NDUFB1: variants seen among roughly 807,000 people sequenced by gnomAD.
NDUFB1 encodes NADH:ubiquinone oxidoreductase subunit B1.
A neutral mutation model predicts 6.7 loss-of-function variants in NDUFB1; 6 were observed. That is an observed-to-expected ratio of 0.89 (90% CI 0.49 to 1.76). The LOEUF (loss-of-function observed/expected upper bound fraction) is 1.76. NDUFB1 is among the 40% of genes most tolerant of loss of function. NDUFB1 has a pLI of 0.01. For missense variants in NDUFB1, 56 were observed against 71.0 expected (o/e 0.79, Z 0.76); for synonymous variants, 17 against 22.9 (o/e 0.74, Z 0.74).
intron 2 of NDUFB1, 86 bp downstream of exon 2, chr14:92,117,412 T>G (rs755569802): frequency 7.2e-7 from 1 of 1,389,056 alleles, no homozygotes; most frequent in East Asian, 2.3e-5. Context: ...GGGGAAAAAT[T>G]ACCCCTTCTG....
chr14:92,117,132 A>G (rs1032123544), intron 2 of NDUFB1, among the ~76,000 whole-genome samples: 2 of 152,212 alleles, frequency 1.3e-5, no homozygotes, highest in Admixed American at 6.5e-5. Flanking sequence ...TGTTATTACT[A>G]TTTATCTCAG....
At chr14:92,120,213 T>C (rs1051026356) in intron 1 of NDUFB1, 1 of 152,184 alleles carries the variant, frequency 6.6e-6, no homozygotes, top group Non-Finnish European at 1.5e-5. Flanking sequence ...AGAAGACATA[T>C]GACAACATCC....
chr14:92,119,304 G>A, intron 1 of NDUFB1, among the ~76,000 whole-genome samples: 1 of 121,982 alleles, frequency 8.2e-6, no homozygotes, highest in South Asian at 3.0e-4. Flanking sequence ...AGAGCGTGAT[G>A]CTGTCTCAAA....
chr14:92,121,702 C>A lies in NDUFB1; in HGVS notation c.-66G>T, dbSNP rs768770418. ...AGGGCAACAGGGAACTCAACCCGCG[C>A]CAGTGGAAGCTGCGACCTCGGGACC... is the stretch of plus-strand genomic sequence containing the variant. On this transcript the variant is annotated 5_prime_UTR_variant, in exon 1 of 3. Transcript: ENST00000605997. 1.2e-6 allele frequency: 2 copies of A among 1,613,858 alleles called. No individual in the cohort carries two copies. Among genetic ancestry groups the A allele is most frequent in the Admixed American group, 1.7e-5 (1 of 60,016 alleles).
intron 1 of NDUFB1, chr14:92,121,343 G>GGATCCGGGCCGGTCTTC (rs2068761175): frequency 2.0e-6 from 1 of 497,978 alleles, no homozygotes; most frequent in Non-Finnish European, 3.6e-6. Context: ...GCCAGGCGTG[G>GGATCCGGGCCGGTCTTC]GATCCGGGCC....
At chr14:92,121,362 C>T in intron 1 of NDUFB1, 2 of 546,108 alleles carry the variant, frequency 3.7e-6, no homozygotes, top group East Asian at 3.3e-5. Flanking sequence ...CCGGTCTTCT[C>T]TCCAGTCCGG....
At chr14:92,121,381 C>T in intron 1 of NDUFB1, 1 of 571,220 alleles carries the variant, frequency 1.8e-6, no homozygotes, top group Non-Finnish European at 3.1e-6. Flanking sequence ...GGTTAGCGGG[C>T]GGTCACTGGG....
chr14:92,116,336 T>A, intron 2 of NDUFB1, 107 bp from the exon 3 acceptor site: 1 of 843,446 alleles, frequency 1.2e-6, no homozygotes. Context: ...ATTTTCTTTT[T>A]TTTTTTTTTT....
chr14:92,117,447 G>T lies in NDUFB1; in HGVS notation c.140+51C>A, dbSNP rs149732435. ...GTTTATTTTTGGCACATATCAAAAA[G>T]AATATTCCCCAAATTTGGCCAATTG... On this transcript the variant is annotated intron_variant, in intron 2 of 2. Coordinates refer to ENST00000605997, the MANE Select transcript of NDUFB1 (RefSeq NM_004545.4). 8.1e-3 allele frequency: 12,906 copies of T among 1,599,266 alleles called. 86 individuals carry two copies. The highest frequency in any genetic ancestry group is 0.011 in the South Asian group (968 of 90,708).
At chr14:92,121,538 C>T (rs957206218) in intron 1 of NDUFB1, 104 bp downstream of exon 1, 9 of 1,532,884 alleles carry the variant, frequency 5.9e-6, no homozygotes, top group African/African-American at 1.4e-5. Context: ...GAAGCCCAGA[C>T]CACCCCTCCA....
rs2068762637 is a variant in NDUFB1, at chr14:92,121,466, C to T, written c.-6+176G>A. ...TCCAAAAGCTCCGGCCCGGAAATCC[C>T]ATCCTCCACCCGAAGAAAACCCCAT... is the stretch of plus-strand genomic sequence containing the variant. On this transcript the variant is annotated intron_variant, in intron 1 of 2. Transcript: ENST00000605997. 1.3e-5 allele frequency: 12 copies of T among 933,320 alleles called. No homozygotes were observed. In the East Asian group the frequency reaches 2.9e-4, roughly 23 times the overall value. The allele number at this position is 933,320 out of a possible 1,614,324, so 57.8% of individuals were successfully genotyped here. A position where few individuals can be genotyped will look rare whatever the true frequency, so the allele number is the denominator to read the frequency against.
At chr14:92,120,238 A>G (rs1395003380) in intron 1 of NDUFB1, 2 of 152,192 alleles carry the variant, frequency 1.3e-5, no homozygotes, top group Non-Finnish European at 2.9e-5. Context: ...AAGACAATAC[A>G]TTATTGCCAA....
chr14:92,121,531 G>A (rs1032690377), intron 1 of NDUFB1, 111 bp downstream of exon 1: 2 of 1,496,922 alleles, frequency 1.3e-6, no homozygotes, highest in African/African-American at 1.4e-5. Context: ...CCCCGGGGAA[G>A]CCCAGACCAC....
Position 92,116,144 on chromosome 14 carries a change from A to C in NDUFB1, c.*49T>G. ...GACATTTCAGATTCTTCATGTTTTT[A>C]TTTCTCTCAGAACTTTAAAATGTGA... On this transcript the variant is annotated 3_prime_UTR_variant, in exon 3 of 3. Coordinates refer to ENST00000605997, the MANE Select transcript of NDUFB1 (RefSeq NM_004545.4). The C allele has an allele frequency of 6.6e-7, 1 of 1,523,502 alleles. No homozygotes were observed. Among genetic ancestry groups the C allele is most frequent in the Non-Finnish European group, 9.1e-7 (1 of 1,098,528 alleles). The allele number at this position is 1,523,502 out of a possible 1,614,324, so 94.4% of individuals were successfully genotyped here.
intron 1 of NDUFB1, chr14:92,117,953 G>A (rs1170176802): frequency 2.1e-5 from 7 of 327,902 alleles, no homozygotes; most frequent in East Asian, 1.6e-4. Context: ...AGCCAAGATC[G>A]TGCCACTGTA....
chr14:92,120,567 C>T (rs1042425601), intron 1 of NDUFB1, among the ~76,000 whole-genome samples: 47 of 107,354 alleles, frequency 4.4e-4, no homozygotes, highest in Non-Finnish European at 7.4e-4. Flanking sequence ...TCAGGCTGGT[C>T]TTGAATTCCC....
At chr14:92,116,991 C>T (rs762812371) in intron 2 of NDUFB1, among the ~76,000 whole-genome samples, 6 of 152,216 alleles carry the variant, frequency 3.9e-5, no homozygotes, top group Admixed American at 1.3e-4. Context: ...GTCTTGCTAA[C>T]TGGAACTCTC....
intron 2 of NDUFB1, 22 bp downstream of exon 2, chr14:92,117,476 G>T: frequency 1.9e-6 from 3 of 1,611,770 alleles, no homozygotes; most frequent in Non-Finnish European, 2.5e-6. Context: ...CCAATTGCTG[G>T]TTTAAAAAAA....
intron 1 of NDUFB1, 95 bp downstream of exon 1, chr14:92,121,547 C>T: frequency 1.3e-6 from 2 of 1,567,686 alleles, no homozygotes; most frequent in South Asian, 1.1e-5. Flanking sequence ...ACCACCCCTC[C>T]ACACATGCAC....
Sources: allele counts gnomAD v4.1 joint callset (sites outside exome capture counted in the v4.1 genomes callset), GRCh38; gene constraint gnomAD v4.1.1; transcripts MANE v1.5; gene names NCBI Gene and HGNC (gene_info 2026-07-23, HGNC 2026-07-21).